MCPH1: variants seen among roughly 807,000 people sequenced by gnomAD.
The protein encoded by MCPH1 is microcephalin.
Under a neutral mutation model 84.5 loss-of-function variants are expected in MCPH1, and 104 were observed. That is an observed-to-expected ratio of 1.23 (90% CI 1.05 to 1.45). The LOEUF is 1.45. Ranked by LOEUF, MCPH1 falls within the 40% of genes most tolerant of loss-of-function variation. The probability of loss-of-function intolerance (pLI) is 0.00; values close to 1 mark genes in which losing one functional copy is unlikely to be tolerated. For synonymous variants in MCPH1, 514 were observed against 366.8 expected (o/e 1.40, Z -4.58); for missense variants, 1,498 against 1,005.7 (o/e 1.49, Z -6.62).
In MCPH1 at chr8:6,622,030, C is replaced by G. The variant is rs28485257; in HGVS notation, c.2452+339C>G. The G allele has an allele frequency of 3.3e-3, 1,313 of 399,338 alleles. 14 individuals carry two copies. The highest frequency in any genetic ancestry group is 0.025 in the African/African-American group (1,214 of 48,142). 24.7% of individuals were successfully genotyped at this position (399,338 alleles called of 1,614,324 possible). A position where few individuals can be genotyped will look rare whatever the true frequency, so the allele number is the denominator to read the frequency against. On this transcript the variant is annotated intron_variant, in intron 13 of 13. Coordinates refer to ENST00000344683, the MANE Select transcript of MCPH1 (RefSeq NM_024596.5). ...GGCACCCCTCTTAGACCCTCCCTCC[C>G]CAGTGCCTCCTTGTCCTGCTTCAGG...
In MCPH1 at chr8:6,592,820, ATTT is replaced by A. The variant is rs67091563; in HGVS notation, c.2215-28618_2215-28616del. ...CAAGCACGTGCCACCACACCTGGCA[ATTT>A]TTTTTTTTTTTTTTTGTATTTTTGG... On this transcript the variant is annotated intron_variant, in intron 12 of 13. Transcript: ENST00000344683. Among the ~76,000 whole-genome samples, 407 of 134,294 alleles carry A rather than the reference ATTT, an allele frequency of 3.0e-3. 3 individuals are homozygous for A. The highest frequency in any genetic ancestry group is 9.6e-3 in the African/African-American group (341 of 35,664). The allele number at this position is 134,294 out of a possible 152,430, so 88.1% of individuals were successfully genotyped here. A position where few individuals can be genotyped will look rare whatever the true frequency, so the allele number is the denominator to read the frequency against.
chr8:6,622,603 A>G (rs60212735), intron 13 of MCPH1, among the ~76,000 whole-genome samples: 14,871 of 152,200 alleles, frequency 0.098, 1,106 homozygotes, highest in East Asian at 0.36. Context: ...GGCTTCAAAC[A>G]ACACGCATTG....
chr8:6,515,157 G>A (rs553781172), intron 12 of MCPH1, among the ~76,000 whole-genome samples: 59 of 152,158 alleles, frequency 3.9e-4, no homozygotes, highest in Non-Finnish European at 6.5e-4. Flanking sequence ...TCTCCATCCT[G>A]TAGAAAACCA....
intron 12 of MCPH1, among the ~76,000 whole-genome samples, chr8:6,559,230 AACAC>A (rs59299448): frequency 0.034 from 5,029 of 146,812 alleles, 194 homozygotes; most frequent in African/African-American, 0.096. Flanking sequence ...CACACACGAC[AACAC>A]ACACACACAC....
chr8:6,527,702 A>T (rs751588029), intron 12 of MCPH1: 1 of 1,569,844 alleles, frequency 6.4e-7, no homozygotes, highest in Non-Finnish European at 8.6e-7. Flanking sequence ...TGAAGTTCCT[A>T]TTAATTATTT....
chr8:6,562,843 T>C (rs757263150), intron 12 of MCPH1: 3 of 1,613,992 alleles, frequency 1.9e-6, no homozygotes, highest in Non-Finnish European at 2.5e-6. Context: ...ATATTGCTTC[T>C]TTCCTATGCT....
At chr8:6,566,396 T>C (rs1315561007) in intron 12 of MCPH1, among the ~76,000 whole-genome samples, 1 of 150,480 alleles carries the variant, frequency 6.6e-6, no homozygotes, top group Non-Finnish European at 1.5e-5. Flanking sequence ...CCGTGTGTGG[T>C]CAGCAAGGCC....
chr8:6,517,286 G>T (rs1020366463), intron 12 of MCPH1, among the ~76,000 whole-genome samples: 1 of 152,166 alleles, frequency 6.6e-6, no homozygotes, highest in African/African-American at 2.4e-5. Flanking sequence ...TATAAAGCTT[G>T]ATGTTTTTCA....
At chr8:6,607,781 A>G (rs753114375) in intron 12 of MCPH1, among the ~76,000 whole-genome samples, 25 of 152,164 alleles carry the variant, frequency 1.6e-4, no homozygotes, top group Non-Finnish European at 2.9e-4. Flanking sequence ...CATGCTGTCC[A>G]CCTTCTGCCG....
At position 6,416,018 on chromosome 8, in the gene MCPH1, G is replaced by T. The variant is rs371089567; in HGVS notation, c.233+1135G>T. On this transcript the variant is annotated intron_variant, in intron 3 of 13. Transcript: ENST00000344683. ...CAGTGTACAAGTTTTTTACCCCCTA[G>T]GTTAAATTTATTCCTAACTTTTTTG... 3.9e-5 allele frequency among the ~76,000 whole-genome samples: 6 copies of T among 151,986 alleles called. No homozygotes were observed. The East Asian group carries it at 1.2e-3, about 29-fold the overall frequency.
At position 6,565,784 on chromosome 8, in the gene MCPH1, A is replaced by G. The variant is rs1341176096; in HGVS notation, c.2215-55670A>G. Among the ~76,000 whole-genome samples, 3 of 152,252 alleles carry G rather than the reference A, an allele frequency of 2.0e-5. No homozygotes were observed. The East Asian group carries it at 5.8e-4, about 29-fold the overall frequency. On this transcript the variant is annotated intron_variant, in intron 12 of 13. Coordinates refer to ENST00000344683, the MANE Select transcript of MCPH1 (RefSeq NM_024596.5). ...ACCCATAAACAAATTGGATGTGGTAAGAGAGAGCAGTCGGAGCACAAAGAA... is the reference window on the plus strand; with the variant it reads ...ACCCATAAACAAATTGGATGTGGTAGGAGAGAGCAGTCGGAGCACAAAGAA...
At chr8:6,582,851 G>T (rs927603312) in intron 12 of MCPH1, among the ~76,000 whole-genome samples, 1 of 152,144 alleles carries the variant, frequency 6.6e-6, no homozygotes, top group Non-Finnish European at 1.5e-5. Flanking sequence ...TCTTCATAAA[G>T]TCTTTCAGCC....
At chr8:6,512,238 G>T (rs937359243) in intron 12 of MCPH1, among the ~76,000 whole-genome samples, 1 of 152,178 alleles carries the variant, frequency 6.6e-6, no homozygotes, top group Non-Finnish European at 1.5e-5. Context: ...ACTGGGCATT[G>T]TAGAGTTTTC....
intron 12 of MCPH1, among the ~76,000 whole-genome samples, chr8:6,577,362 C>G (rs185448557): frequency 1.3e-5 from 2 of 152,286 alleles, no homozygotes; most frequent in Non-Finnish European, 2.9e-5. Context: ...GTCAGCAGCT[C>G]CACATAGAAT....
chr8:6,587,009 C>T, intron 12 of MCPH1, among the ~76,000 whole-genome samples: 1 of 152,086 alleles, frequency 6.6e-6, no homozygotes, highest in South Asian at 2.1e-4. Context: ...CCTCGGCTTA[C>T]CACCCAGCGC....
intron 12 of MCPH1, among the ~76,000 whole-genome samples, chr8:6,562,090 A>T (rs925365541): frequency 6.6e-6 from 1 of 152,238 alleles, no homozygotes; most frequent in Admixed American, 6.5e-5. Flanking sequence ...TCTGAGAAAC[A>T]TAAGGTCTGC....
intron 3 of MCPH1, among the ~76,000 whole-genome samples, chr8:6,420,042 T>G (rs2442533): frequency 6.6e-6 from 1 of 150,994 alleles, no homozygotes; most frequent in Admixed American, 6.6e-5. Context: ...TTATAGGTGA[T>G]GCTGGTGAGG....
chr8:6,564,831 C>T (rs138217937), intron 12 of MCPH1, among the ~76,000 whole-genome samples: 1 of 152,170 alleles, frequency 6.6e-6, no homozygotes, highest in African/African-American at 2.4e-5. Context: ...TTTATTAAAC[C>T]CAGCCCTAGA....
At chr8:6,525,424 C>A (rs967525090) in intron 12 of MCPH1, among the ~76,000 whole-genome samples, 4 of 128,788 alleles carry the variant, frequency 3.1e-5, no homozygotes, top group African/African-American at 9.8e-5. Flanking sequence ...AAAATGAGTT[C>A]TCATTATATT....
Sources: gnomAD v4.1 joint callset for allele counts (sites outside exome capture counted in the v4.1 genomes callset) on GRCh38, gnomAD v4.1.1 for gene constraint, MANE v1.5 for transcripts, NCBI Gene and HGNC (gene_info 2026-07-23, HGNC 2026-07-21) for gene names.